Variants in RPE65 observed in about 807,000 individuals in gnomAD.
The protein encoded by RPE65 is retinoid isomerohydrolase.
RPE65 carries 58 observed loss-of-function variants against 68.5 expected under a neutral mutation model. The observed-to-expected ratio is 0.85, with a 90% CI of 0.69 to 1.05. RPE65 has a LOEUF of 1.05. Ranked by LOEUF, RPE65 falls within the 50% of genes least tolerant of loss-of-function variation. The probability of loss-of-function intolerance (pLI) is 0.00; values close to 1 mark genes in which losing one functional copy is unlikely to be tolerated. For synonymous variants in RPE65, 220 were observed against 222.2 expected (o/e 0.99, Z 0.09); for missense variants, 643 against 629.9 (o/e 1.02, Z -0.22).
intron 3 of RPE65, 59 bp from the exon 4 acceptor site, chr1:68,444,942 T>C (rs897466912): frequency 1.4e-6 from 2 of 1,462,204 alleles, no homozygotes; most frequent in African/African-American, 2.8e-5. Context: ...ACAGCCCATG[T>C]GGAGCTTAGA....
rs540671818 is a variant in RPE65 at position 68,431,954 on chromosome 1, A to G, written c.1129-369T>C. Among the ~76,000 whole-genome samples, 16 of 152,186 alleles carry G rather than the reference A, an allele frequency of 1.1e-4. No individual in the cohort carries two copies. The East Asian group carries it at 2.7e-3, about 26-fold the overall frequency. ...ATAATAATTAATGTTTTTCTGCAGAACAACAAAGACTTCGACTGCCTGAGG... is the reference window on the plus strand; with the variant it reads ...ATAATAATTAATGTTTTTCTGCAGAGCAACAAAGACTTCGACTGCCTGAGG... On this transcript the variant is annotated intron_variant, in intron 10 of 13. Transcript: ENST00000262340.
At chr1:68,448,991 T>C (rs564898200) in intron 1 of RPE65, among the ~76,000 whole-genome samples, 1 of 152,220 alleles carries the variant, frequency 6.6e-6, no homozygotes, top group Non-Finnish European at 1.5e-5. Flanking sequence ...ATGTCAATGG[T>C]TACAGTGAAC....
rs563386918 is a variant in RPE65, at chr1:68,432,543, G to A, written c.1129-958C>T. 2.3e-3 allele frequency among the ~76,000 whole-genome samples: 349 copies of A among 152,116 alleles called. 1 individual carries two copies. Among genetic ancestry groups the A allele is most frequent in the Non-Finnish European group, 4.1e-3 (280 of 67,986 alleles). On this transcript the variant is annotated intron_variant, in intron 10 of 13. Coordinates refer to ENST00000262340, the MANE Select transcript of RPE65 (RefSeq NM_000329.3). ...ACAAATTGTGCAAAGGCCTGAGGGA[G>A]GAGGATGCTGAGTGTGTTTGAGGAG...
intron 10 of RPE65, among the ~76,000 whole-genome samples, chr1:68,436,314 C>T (rs1645862258): frequency 6.6e-6 from 1 of 152,104 alleles, no homozygotes; most frequent in Non-Finnish European, 1.5e-5. Context: ...CATGATCTTT[C>T]TTTGGAGCTC....
intron 10 of RPE65, among the ~76,000 whole-genome samples, chr1:68,434,079 G>T (rs12030710): frequency 6.9e-6 from 1 of 144,292 alleles, no homozygotes; most frequent in Non-Finnish European, 1.5e-5. Flanking sequence ...TGGCAAAGTC[G>T]AGGGCATGAG....
Position 68,429,488 on chromosome 1 carries a change from A to G in RPE65, c.*288T>C. The G allele has an allele frequency of 2.5e-6, 1 of 398,750 alleles. No individual in the cohort carries two copies. 24.7% of individuals were successfully genotyped at this position (398,750 alleles called of 1,614,324 possible). ...GCTCTTATAATAGGAATTAAAAGCCATTTAGTAAGTCCACATTCATTTCCT... is the reference window on the plus strand; with the variant it reads ...GCTCTTATAATAGGAATTAAAAGCCGTTTAGTAAGTCCACATTCATTTCCT... On this transcript the variant is annotated 3_prime_UTR_variant, in exon 14 of 14. Coordinates refer to ENST00000262340, the MANE Select transcript of RPE65 (RefSeq NM_000329.3).
At chr1:68,445,408 G>A (rs184919507) in intron 3 of RPE65, among the ~76,000 whole-genome samples, 51 of 151,810 alleles carry the variant, frequency 3.4e-4, no homozygotes, top group Admixed American at 8.5e-4. Flanking sequence ...TCCATCTCTT[G>A]CCTAGACAGG....
intron 10 of RPE65, among the ~76,000 whole-genome samples, chr1:68,433,984 C>T (rs1274334271): frequency 1.3e-5 from 2 of 151,556 alleles, no homozygotes; most frequent in Non-Finnish European, 2.9e-5. Flanking sequence ...GTGGAAATTG[C>T]AGTAGGGCAA....
At chr1:68,433,647 A>C (rs1327744814) in intron 10 of RPE65, among the ~76,000 whole-genome samples, 1 of 152,172 alleles carries the variant, frequency 6.6e-6, no homozygotes, top group Admixed American at 6.5e-5. Context: ...AAAGTGAGAG[A>C]GTAAGTGAAG....
At chr1:68,447,705 C>T (rs1362039319) in intron 2 of RPE65, among the ~76,000 whole-genome samples, 1 of 152,060 alleles carries the variant, frequency 6.6e-6, no homozygotes, top group African/African-American at 2.4e-5. Flanking sequence ...AAAAATTAGC[C>T]GGGCGTGATG....
At chr1:68,436,121 T>A (rs902290382) in intron 10 of RPE65, among the ~76,000 whole-genome samples, 14 of 152,248 alleles carry the variant, frequency 9.2e-5, no homozygotes, top group Non-Finnish European at 2.1e-4. Context: ...TTAAGTTAAG[T>A]GATCCTCTTT....
chr1:68,446,797 C>T lies in RPE65; in HGVS notation c.158G>A (p.Gly53Glu), dbSNP rs763536294. The change falls in exon 3 of 14, where the codon GGA becomes GAA. Residue 53 changes from glycine (G) to glutamate (E), a missense_variant. Gly to Glu is a moderately conservative substitution (Grantham distance 98). Transcript: ENST00000262340. ...LRCGPGLFEV[G>E]SEPFYHLFDG... is the part of the protein sequence containing the mutation. ...AAACAGGTGGTAAAATGGCTCAGATCCAACTTCAAAGAGTCCTGGCCCACA... is the reference window on the plus strand; with the variant it reads ...AAACAGGTGGTAAAATGGCTCAGATTCAACTTCAAAGAGTCCTGGCCCACA... 5.0e-5 allele frequency: 81 copies of T among 1,613,988 alleles called. No individual in the cohort carries two copies. Among genetic ancestry groups the T allele is most frequent in the African/African-American group, 1.3e-5 (1 of 74,914 alleles).
chr1:68,448,851 TG>T (rs1645961419), intron 1 of RPE65, 145 bp from the exon 2 acceptor site: 1 of 11,042 alleles, frequency 9.1e-5, no homozygotes, highest in Non-Finnish European at 1.8e-4. Context: ...TGGGTGGGGG[TG>T]GGGGTGGGGG....
chr1:68,442,762 A>G (rs963442802), intron 5 of RPE65, among the ~76,000 whole-genome samples: 1 of 152,232 alleles, frequency 6.6e-6, no homozygotes, highest in African/African-American at 2.4e-5. Flanking sequence ...AGTCAAATGA[A>G]TGATTTAGAA....
chr1:68,435,790 T>C (rs558632305), intron 10 of RPE65, among the ~76,000 whole-genome samples: 1 of 152,334 alleles, frequency 6.6e-6, no homozygotes, highest in South Asian at 2.1e-4. Context: ...CAAATCAATT[T>C]ATCCCTCCTG....
chr1:68,438,999 T>C lies in RPE65; in HGVS notation c.941A>G (p.His314Arg). The change falls in exon 9 of 14, where the codon CAC becomes CGC. Residue 314 changes from histidine to arginine, a missense_variant. Transcript: ENST00000262340. ...CCCATTGTCTTCATAGGTGTTGATG[T>C]GATGGAAGAGGTTGAAAGGAGAAGT... ...YRTSPFNLFH[H>R]INTYEDNGFL... 1.2e-6 allele frequency: 2 copies of C among 1,614,080 alleles called. No individual in the cohort carries two copies. The highest frequency in any genetic ancestry group is 1.7e-6 in the Non-Finnish European group (2 of 1,179,964).
At chr1:68,442,437 C>T (rs1645910067) in intron 5 of RPE65, among the ~76,000 whole-genome samples, 1 of 152,140 alleles carries the variant, frequency 6.6e-6, no homozygotes, top group Admixed American at 6.5e-5. Context: ...TAAGAGTGGG[C>T]CAGCCACAAA....
chr1:68,431,895 C>G (rs1004643288), intron 10 of RPE65, among the ~76,000 whole-genome samples: 50 of 151,500 alleles, frequency 3.3e-4, no homozygotes, highest in African/African-American at 1.2e-3. Flanking sequence ...AACAAAAAAA[C>G]AAAAACCAAA....
chr1:68,449,541 A>G (rs1645967373), intron 1 of RPE65, among the ~76,000 whole-genome samples: 1 of 152,190 alleles, frequency 6.6e-6, no homozygotes, highest in Admixed American at 6.5e-5. Context: ...AGTAAAAGCT[A>G]TTGTGACATC....
Sources: allele counts gnomAD v4.1 joint callset (sites outside exome capture counted in the v4.1 genomes callset), GRCh38; gene constraint gnomAD v4.1.1; transcripts MANE v1.5; gene names NCBI Gene and HGNC (gene_info 2026-07-23, HGNC 2026-07-21).